The following PRDM10 variants were observed in gnomAD, a reference collection of about 807,000 sequenced individuals.
PRDM10 encodes PR/SET domain 10.
In PRDM10, 65 loss-of-function variants were observed where a neutral mutation model predicts 133.1. That is an observed-to-expected ratio of 0.49 (90% CI 0.40 to 0.60). The LOEUF (loss-of-function observed/expected upper bound fraction) is 0.60. PRDM10 is among the 20% of genes least tolerant of loss of function. The pLI, the probability that PRDM10 is intolerant of heterozygous loss-of-function variation, is 0.00. For synonymous variants in PRDM10, 582 were observed against 580.4 expected, an observed-to-expected ratio of 1.00 and a Z score of -0.04; for missense variants, 1,137 against 1,507.1, an observed-to-expected ratio of 0.75 and a Z score of 4.07.
intron 4 of PRDM10, among the ~76,000 whole-genome samples, chr11:129,948,324 G>A (rs1051783299): frequency 2.6e-5 from 4 of 152,104 alleles, no homozygotes; most frequent in Admixed American, 1.3e-4. Context: ...AATAAATAAA[G>A]CAAGTTTTTA....
intron 7 of PRDM10, 74 bp from the exon 8 acceptor site, chr11:129,937,744 CT>C: frequency 7.4e-7 from 1 of 1,355,172 alleles, no homozygotes; most frequent in Non-Finnish European, 1.0e-6. Flanking sequence ...ATTATTTCTC[CT>C]GCTTACAGGA....
chr11:129,929,856 T>A (rs535866680), intron 11 of PRDM10, among the ~76,000 whole-genome samples: 1 of 151,924 alleles, frequency 6.6e-6, no homozygotes, highest in African/African-American at 2.4e-5. Flanking sequence ...GAGAAAGAAG[T>A]GCAGATTAGG....
At chr11:129,917,288 C>A in intron 14 of PRDM10, 51 bp from the exon 15 acceptor site, 2 of 1,366,704 alleles carry the variant, frequency 1.5e-6, no homozygotes, top group Non-Finnish European at 2.1e-6. Context: ...ATTAACCAAA[C>A]AGAAGCTACA....
At position 129,901,064 on chromosome 11, in the gene PRDM10, T is replaced by C. The variant is rs1949831383; in HGVS notation, c.*1249A>G. 6.6e-6 allele frequency: 1 copy of C among 152,624 alleles called. No homozygotes were observed. 9.5% of individuals were successfully genotyped at this position (152,624 alleles called of 1,614,324 possible). On this transcript the variant is annotated 3_prime_UTR_variant, in exon 21 of 21. Coordinates refer to ENST00000360871, the MANE Select transcript of PRDM10 (RefSeq NM_199437.2). ...ATTATTCTGAAAATGTGTTAGCATG[T>C]CACAAAAAGTTAAAATATATACTGA... is the stretch of plus-strand genomic sequence containing the variant.
At chr11:129,904,026 G>A (rs1384796830) in intron 20 of PRDM10, among the ~76,000 whole-genome samples, 2 of 152,018 alleles carry the variant, frequency 1.3e-5, no homozygotes, top group Non-Finnish European at 2.9e-5. Context: ...ATGCCAATAT[G>A]ATTATCTCAT....
chr11:129,996,155 A>C (rs2136005404), intron 1 of PRDM10, among the ~76,000 whole-genome samples: 1 of 152,340 alleles, frequency 6.6e-6, no homozygotes, highest in African/African-American at 2.4e-5. Context: ...GCAAGAAATA[A>C]GCACAAATAA....
At chr11:129,978,646 C>CT (rs549175246) in intron 1 of PRDM10, among the ~76,000 whole-genome samples, 474 of 152,320 alleles carry the variant, frequency 3.1e-3, no homozygotes, top group African/African-American at 9.7e-3. Context: ...TGAAGTGTCC[C>CT]TTTGCCCTGC....
chr11:129,910,151 C>T (rs571217843), intron 19 of PRDM10, among the ~76,000 whole-genome samples: 9 of 152,270 alleles, frequency 5.9e-5, no homozygotes, highest in African/African-American at 2.2e-4. Context: ...TCTAGTACAG[C>T]GATTGATAGA....
Position 129,918,579 on chromosome 11 carries a change from C to T in PRDM10, c.2174G>A (p.Cys725Tyr). The change falls in exon 14 of 21, where the codon TGC becomes TAC. Residue 725 changes from cysteine to tyrosine, a missense_variant. This residue lies in a region of PRDM10 where 78 missense variants were observed against 96.4 expected (regional missense o/e 0.81). Transcript: ENST00000360871. This position sits in a 1 kb window ranked among gnomAD's most constrained non-coding sequence, Gnocchi z 5.3. ...STDYDSFTFK[C>Y]RLCMMGFRRR... ...CCGGAAGCCCATCATGCACAGGCGG[C>T]ACTTGAACGTGAAGCTGTCGTAGTC... The T allele has an allele frequency of 6.2e-7, 1 of 1,614,172 alleles. No homozygotes were observed. The highest frequency in any genetic ancestry group is 8.5e-7 in the Non-Finnish European group (1 of 1,180,018).
At chr11:129,966,632 T>C (rs1951912705) in intron 1 of PRDM10, among the ~76,000 whole-genome samples, 1 of 152,082 alleles carries the variant, frequency 6.6e-6, no homozygotes, top group African/African-American at 2.4e-5. Context: ...ATTGGAAAAA[T>C]GACCTTAACC....
chr11:129,967,405 T>A (rs898583791), intron 1 of PRDM10, among the ~76,000 whole-genome samples: 2 of 151,896 alleles, frequency 1.3e-5, no homozygotes, highest in African/African-American at 4.8e-5. Context: ...AACAAAAAAA[T>A]AAACAAAAAA....
At chr11:129,941,398 TA>T (rs1951200094) in intron 7 of PRDM10, among the ~76,000 whole-genome samples, 1 of 152,196 alleles carries the variant, frequency 6.6e-6, no homozygotes, top group Non-Finnish European at 1.5e-5. Context: ...TACCCCAAAA[TA>T]TATTTATGAA....
intron 18 of PRDM10, 125 bp downstream of exon 18, chr11:129,911,960 A>G: frequency 7.9e-7 from 1 of 1,260,682 alleles, no homozygotes; most frequent in East Asian, 2.7e-5. Flanking sequence ...AAGATCCTTT[A>G]ATAAAAATCC....
chr11:129,950,315 G>A (rs1394645476), intron 4 of PRDM10, among the ~76,000 whole-genome samples: 2 of 152,146 alleles, frequency 1.3e-5, no homozygotes, highest in East Asian at 1.9e-4. Flanking sequence ...GTGTAAGAGC[G>A]TTACCCAACA....
intron 1 of PRDM10, among the ~76,000 whole-genome samples, chr11:129,966,751 G>A (rs1330215628): frequency 6.6e-6 from 1 of 152,198 alleles, no homozygotes; most frequent in Non-Finnish European, 1.5e-5. Context: ...CTGAGGTTGA[G>A]TGAGAAAACA....
In PRDM10 at chr11:129,927,176, CAAAAAAAAAAAAAAAAAAAA is replaced by C. The variant is rs57015735; in HGVS notation, c.1531-1967_1531-1948del. On this transcript the variant is annotated intron_variant, in intron 11 of 20. Coordinates refer to ENST00000360871, the MANE Select transcript of PRDM10 (RefSeq NM_199437.2). ...TGGAGGTTGCAGTGAGACTCTGTCT[CAAAAAAAAAAAAAAAAAAAA>C]AAAAAAAAAAAAAAAAAAAGCATAG... 5.2e-3 allele frequency among the ~76,000 whole-genome samples: 409 copies of C among 79,344 alleles called. 11 individuals are homozygous for C. The highest frequency in any genetic ancestry group is 0.01 in the African/African-American group (236 of 23,128). The allele number at this position is 79,344 out of a possible 152,430, so 52.1% of individuals were successfully genotyped here.
At chr11:129,961,161 A>G (rs1951788124) in intron 1 of PRDM10, 79 bp from the exon 2 acceptor site, 1 of 479,494 alleles carries the variant, frequency 2.1e-6, no homozygotes, top group Non-Finnish European at 3.7e-6. Flanking sequence ...ACCACAAATA[A>G]TAAAAGAAAG....
Position 129,912,197 on chromosome 11 carries a change from G to T in PRDM10, c.2870C>A (p.Ser957Tyr). The change falls in exon 18 of 21, where the codon TCC (serine) becomes TAC (tyrosine). Residue 957 changes from serine (S) to tyrosine (Y), a missense_variant. Around this residue, in one of 6 missense-constraint regions of PRDM10, gnomAD observed 243 missense variants for 259.2 expected, o/e 0.94. Transcript: ENST00000360871. ...ATGGAGCTGGCCAACATCCACAGTG[G>T]ACTGCTGTGACTGGTGAGGGGAAGT... Reference protein sequence around the residue: ...SATSPHQSQQSTVDVGQLHDP... With the variant: ...SATSPHQSQQYTVDVGQLHDP... 6.2e-7 allele frequency: 1 copy of T among 1,602,248 alleles called. No individual in the cohort carries two copies. The highest frequency in any genetic ancestry group is 8.5e-7 in the Non-Finnish European group (1 of 1,172,836).
intron 6 of PRDM10, among the ~76,000 whole-genome samples, chr11:129,944,509 C>CCAG (rs1951335090): frequency 6.6e-6 from 1 of 151,112 alleles, no homozygotes. Context: ...GGCGTGAACC[C>CCAG]GGAAGGCGGA....
Sources: allele counts gnomAD v4.1 joint callset (sites outside exome capture counted in the v4.1 genomes callset), GRCh38; gene constraint gnomAD v4.1.1; regional missense constraint gnomAD v4.1.1; non-coding constraint Gnocchi (gnomAD v3.1); transcripts MANE v1.5; gene names NCBI Gene and HGNC (gene_info 2026-07-23, HGNC 2026-07-21).